GGNBP2: variants seen among roughly 807,000 people sequenced by gnomAD.
GGNBP2 encodes the protein gametogenetin-binding protein 2.
Under a neutral mutation model 85.9 loss-of-function variants are expected in GGNBP2, and 10 were observed. The ratio of observed to expected loss-of-function variants is 0.12; its 90% CI spans 0.07 to 0.20. The LOEUF (loss-of-function observed/expected upper bound fraction) is 0.20. Among genes scored for constraint, GGNBP2 ranks in the 10% least tolerant of loss-of-function variants. The pLI is 1.00. For missense variants in GGNBP2, 595 were observed against 857.8 expected (o/e 0.69, Z 3.83); for synonymous variants, 287 against 285.7 (o/e 1.00, Z -0.05).
intron 13 of GGNBP2, among the ~76,000 whole-genome samples, chr17:36,587,792 C>T: frequency 6.6e-6 from 1 of 152,144 alleles, no homozygotes; most frequent in African/African-American, 2.4e-5. Context: ...GAGGCTAAGG[C>T]AGGAGAATCA....
intron 6 of GGNBP2, chr17:36,574,766 A>G: frequency 1.6e-6 from 1 of 638,606 alleles, no homozygotes; most frequent in South Asian, 1.8e-5. Context: ...GAGGCGCACC[A>G]GCACAGAGCC....
intron 2 of GGNBP2, among the ~76,000 whole-genome samples, chr17:36,549,150 A>C (rs914927301): frequency 6.6e-6 from 1 of 152,244 alleles, no homozygotes; most frequent in Non-Finnish European, 1.5e-5. Flanking sequence ...TGTTACTACA[A>C]TTATAAAATA....
At chr17:36,580,262 C>T (rs1469196911) in intron 8 of GGNBP2, among the ~76,000 whole-genome samples, 1 of 148,622 alleles carries the variant, frequency 6.7e-6, no homozygotes, top group African/African-American at 2.5e-5. Flanking sequence ...GGCTGGAGTG[C>T]AGTGGCATGA....
chr17:36,564,487 C>G (rs1321562443), intron 5 of GGNBP2, among the ~76,000 whole-genome samples: 1 of 152,156 alleles, frequency 6.6e-6, no homozygotes, highest in Non-Finnish European at 1.5e-5. Flanking sequence ...ATTTTACATC[C>G]CCTTCTAGCT....
intron 6 of GGNBP2, among the ~76,000 whole-genome samples, chr17:36,576,019 T>C (rs2074578037): frequency 6.7e-6 from 1 of 150,196 alleles, no homozygotes; most frequent in African/African-American, 2.5e-5. Context: ...AACAAAGATA[T>C]GGCAGTAGAA....
At chr17:36,556,530 C>T (rs1359499303) in intron 3 of GGNBP2, among the ~76,000 whole-genome samples, 2 of 152,028 alleles carry the variant, frequency 1.3e-5, no homozygotes, top group East Asian at 3.9e-4. Flanking sequence ...ATGGTGAAAC[C>T]CCATCTCTAC....
At chr17:36,551,714 C>A (rs897387735) in intron 2 of GGNBP2, among the ~76,000 whole-genome samples, 1 of 151,596 alleles carries the variant, frequency 6.6e-6, no homozygotes, top group Non-Finnish European at 1.5e-5. Flanking sequence ...CATGGTGGTA[C>A]GCCTGTAATC....
At chr17:36,581,863 G>A (rs2074654166) in intron 9 of GGNBP2, 1 of 172,672 alleles carries the variant, frequency 5.8e-6, no homozygotes, top group South Asian at 2.0e-4. Context: ...TTTGCATATA[G>A]TCTATGCACA....
chr17:36,572,633 A>G (rs183422678), intron 6 of GGNBP2, among the ~76,000 whole-genome samples: 15 of 152,138 alleles, frequency 9.9e-5, no homozygotes, highest in Admixed American at 8.5e-4. Context: ...GGTTGAGGCT[A>G]CAGTGAGACA....
chr17:36,586,226 A>G, intron 12 of GGNBP2, 28 bp downstream of exon 12: 2 of 1,601,706 alleles, frequency 1.2e-6, no homozygotes, highest in Non-Finnish European at 1.7e-6. Flanking sequence ...TAATTCTTAA[A>G]CCTTTGCTGT....
Position 36,587,392 on chromosome 17 carries a change from C to T in GGNBP2, c.1890+147C>T, listed in dbSNP as rs1034164178. 6.2e-5 allele frequency: 52 copies of T among 837,292 alleles called. No individual in the cohort carries two copies. The South Asian group carries it at 7.8e-4, about 13-fold the overall frequency. The allele number at this position is 837,292 out of a possible 1,614,324, so 51.9% of individuals were successfully genotyped here. On this transcript the variant is annotated intron_variant, in intron 13 of 13. Transcript: ENST00000613102. ...GTATTTCATTATTGTTTGGGGACTT[C>T]ATTTCTGTCCTTCCACTCGTGGTTT...
At position 36,557,306 on chromosome 17, in the gene GGNBP2, A is replaced by C; in HGVS notation, c.398A>C (p.Lys133Thr). 1.2e-6 allele frequency: 2 copies of C among 1,613,928 alleles called. No individual in the cohort carries two copies. Among genetic ancestry groups the C allele is most frequent in the East Asian group, 4.5e-5 (2 of 44,884 alleles). ...ACTAGAAGCTGCATGACTGATGCAA[A>C]GAAGCTTTATACATTATTTTATGTA... ...SVTRSCMTDAKKLYTLFYVHG... is the reference protein window; with the variant it reads ...SVTRSCMTDATKLYTLFYVHG... Residue 133 changes from lysine to threonine, a missense_variant, in exon 4 of 14, where the codon AAG becomes ACG. Lys to Thr is a moderately conservative substitution (Grantham distance 78). Transcript: ENST00000613102.
chr17:36,582,617 C>T (rs1413694920), intron 9 of GGNBP2: 1 of 152,146 alleles, frequency 6.6e-6, no homozygotes, highest in Non-Finnish European at 1.5e-5. Context: ...TGAGCTCCTG[C>T]AGTTTTTATA....
chr17:36,551,412 C>G (rs1001363180), intron 2 of GGNBP2, among the ~76,000 whole-genome samples: 1 of 151,926 alleles, frequency 6.6e-6, no homozygotes, highest in Non-Finnish European at 1.5e-5. Flanking sequence ...CCATGTTGGT[C>G]AGGCTGGTCT....
chr17:36,555,523 G>T (rs749363852), intron 3 of GGNBP2, among the ~76,000 whole-genome samples: 2 of 152,164 alleles, frequency 1.3e-5, no homozygotes, highest in Non-Finnish European at 2.9e-5. Flanking sequence ...GCAAAACCCT[G>T]TTTCTACAGA....
chr17:36,545,623 G>A lies in GGNBP2; in HGVS notation c.-102G>A, dbSNP rs959466915. 6.3e-5 allele frequency: 55 copies of A among 875,812 alleles called. No homozygotes were observed. The African/African-American group carries it at 8.0e-4, about 13-fold the overall frequency. The allele number at this position is 875,812 out of a possible 1,614,324, so 54.3% of individuals were successfully genotyped here. On this transcript the variant is annotated 5_prime_UTR_variant, in exon 2 of 14. Coordinates refer to ENST00000613102, the MANE Select transcript of GGNBP2 (RefSeq NM_024835.5). ...CGCGGGGTTTGGCTGTTGCAGGCAGGAGCTGGGAGGAGGCGGCAGCGGCGG... is the reference window on the plus strand; with the variant it reads ...CGCGGGGTTTGGCTGTTGCAGGCAGAAGCTGGGAGGAGGCGGCAGCGGCGG...
At chr17:36,564,295 G>C (rs748046187) in intron 5 of GGNBP2, among the ~76,000 whole-genome samples, 1 of 152,178 alleles carries the variant, frequency 6.6e-6, no homozygotes, top group Non-Finnish European at 1.5e-5. Context: ...AAGTAGCCCA[G>C]CATTTTATGC....
In GGNBP2 at chr17:36,567,798, G is replaced by A. The variant is rs199957885; in HGVS notation, c.641+22G>A. The A allele has an allele frequency of 2.2e-4, 284 of 1,303,032 alleles. 3 individuals are homozygous for A. In the Admixed American group the frequency reaches 4.8e-3, roughly 22 times the overall value. The allele number at this position is 1,303,032 out of a possible 1,614,324, so 80.7% of individuals were successfully genotyped here. ...ACAGGTAAGTCTGATGGTTGTTCCAGTATAATGTGGAAGGTGCCTTATGTG... is the reference window on the plus strand; with the variant it reads ...ACAGGTAAGTCTGATGGTTGTTCCAATATAATGTGGAAGGTGCCTTATGTG... On this transcript the variant is annotated intron_variant, in intron 6 of 13. Transcript: ENST00000613102.
rs1382715656 is a variant in GGNBP2, at chr17:36,578,162, G to A, written c.821G>A (p.Arg274His). ...GACTTCATTGCACATCTTTTGGGTC[G>A]TGCTGAGCCAGAGTTCGCAGGAGGG... is the stretch of plus-strand genomic sequence containing the variant. The part of the protein sequence containing the change: ...ETDFIAHLLG[R>H]AEPEFAGGRR... Residue 274 changes from arginine to histidine, a missense_variant, in exon 7 of 14, where the codon CGT (arginine) becomes CAT (histidine). Arg to His is a conservative substitution (Grantham distance 29). Around this residue, in one of 9 missense-constraint regions of GGNBP2, gnomAD observed 92 missense variants for 183.9 expected, o/e 0.50. Transcript: ENST00000613102. The A allele has an allele frequency of 3.1e-6, 5 of 1,610,682 alleles. 1 individual carries two copies. The South Asian group carries it at 4.4e-5, about 14-fold the overall frequency.
Sources: allele counts gnomAD v4.1 joint callset (sites outside exome capture counted in the v4.1 genomes callset), GRCh38; gene constraint gnomAD v4.1.1; regional missense constraint gnomAD v4.1.1; transcripts MANE v1.5; gene names NCBI Gene and HGNC (gene_info 2026-07-23, HGNC 2026-07-21).